DNAAF4: variants seen among roughly 807,000 people sequenced by gnomAD.
DNAAF4 encodes dynein assembly factor 4, axonemal.
In DNAAF4, 43 loss-of-function variants were observed where a neutral mutation model predicts 51.8. That is an observed-to-expected ratio of 0.83 (90% CI 0.65 to 1.07). DNAAF4 has a LOEUF of 1.07. Among genes scored for constraint, DNAAF4 ranks in the 50% least tolerant of loss-of-function variants. The probability of loss-of-function intolerance (pLI) is 0.00; values close to 1 mark genes in which losing one functional copy is unlikely to be tolerated. For missense variants in DNAAF4, 581 were observed against 493.0 expected, an observed-to-expected ratio of 1.18 and a Z score of -1.69; for synonymous variants, 194 against 165.6, an observed-to-expected ratio of 1.17 and a Z score of -1.32.
intron 8 of DNAAF4, among the ~76,000 whole-genome samples, chr15:55,433,653 A>G (rs1282705099): frequency 7.0e-6 from 1 of 143,682 alleles, no homozygotes; most frequent in East Asian, 2.0e-4. Flanking sequence ...AATGGCCTCA[A>G]GCACTCACCT....
At chr15:55,435,902 C>T (rs543419806) in intron 7 of DNAAF4, among the ~76,000 whole-genome samples, 56 of 152,172 alleles carry the variant, frequency 3.7e-4, no homozygotes, top group Admixed American at 6.6e-4. Flanking sequence ...GATTCTCCTG[C>T]GTCAGCCTCC....
chr15:55,439,675 AT>A lies in DNAAF4; in HGVS notation c.784-95del, dbSNP rs1394168973. ...TTCCATCTTCCTCCAGTGGATTGAA[AT>A]ATTATTTGCTATGCACTGAGTGTTT... On this transcript the variant is annotated intron_variant, in intron 6 of 9. Transcript: ENST00000321149. 8 of 1,114,462 alleles carry A rather than the reference AT, an allele frequency of 7.2e-6. No homozygotes were observed. The African/African-American group carries it at 1.3e-4, about 18-fold the overall frequency. 69.0% of individuals were successfully genotyped at this position (1,114,462 alleles called of 1,614,324 possible). A position where few individuals can be genotyped will look rare whatever the true frequency, so the allele number is the denominator to read the frequency against.
intron 5 of DNAAF4, among the ~76,000 whole-genome samples, chr15:55,460,075 T>C (rs1412251389): frequency 6.6e-6 from 1 of 152,024 alleles, no homozygotes; most frequent in African/African-American, 2.4e-5. Flanking sequence ...AAAAGGACAT[T>C]ATATAATGAT....
intron 4 of DNAAF4, among the ~76,000 whole-genome samples, chr15:55,476,023 T>A (rs2141540170): frequency 6.6e-6 from 1 of 152,290 alleles, no homozygotes; most frequent in South Asian, 2.1e-4. Flanking sequence ...ATGTTCAAAG[T>A]ACCGACAGAA....
At chr15:55,504,750 C>T (rs1595965175) in intron 1 of DNAAF4, among the ~76,000 whole-genome samples, 1 of 152,276 alleles carries the variant, frequency 6.6e-6, no homozygotes, top group East Asian at 1.9e-4. Flanking sequence ...CCCTTCCTTA[C>T]ACCTTATACA....
intron 4 of DNAAF4, among the ~76,000 whole-genome samples, chr15:55,473,210 T>G (rs1396787005): frequency 8.1e-6 from 1 of 122,874 alleles, no homozygotes. Context: ...TATATATATA[T>G]ATATATATAT....
intron 5 of DNAAF4, among the ~76,000 whole-genome samples, chr15:55,463,172 TCACACACACACACACACA>T (rs3221985): frequency 7.1e-6 from 1 of 140,288 alleles, no homozygotes; most frequent in Non-Finnish European, 1.5e-5. Flanking sequence ...AGACTCTGTC[TCACACACACACACACACA>T]CACACACACA....
At position 55,491,203 on chromosome 15, in the gene DNAAF4, C is replaced by A. The variant is rs397515622; in HGVS notation, c.325G>T (p.Glu109Ter). ...GCTTCTGTAGCTTCTTTTGCTCTCT[C>A]TTGTGCTTGTAAAATAGATTTTTCT... ...IREKSILQAQ[E>*]RAKEATEAKA... The change falls in exon 4 of 10, where the codon GAG becomes TAG. Residue 109 changes from glutamate (E) to a stop codon, truncating the protein, a stop_gained. Transcript: ENST00000321149. LOFTEE classifies it high-confidence loss of function. The A allele has an allele frequency of 3.7e-6, 6 of 1,613,980 alleles. No individual in the cohort carries two copies. Among genetic ancestry groups the A allele is most frequent in the Non-Finnish European group, 4.2e-6 (5 of 1,179,984 alleles).
intron 4 of DNAAF4, among the ~76,000 whole-genome samples, chr15:55,476,918 C>A (rs961205485): frequency 1.3e-5 from 2 of 152,258 alleles, no homozygotes; most frequent in East Asian, 3.9e-4. Context: ...CGCCTGTAAT[C>A]CCCGAACTTT....
downstream of DNAAF4, among the ~76,000 whole-genome samples, chr15:55,426,811 G>A (rs766559050): frequency 5.9e-5 from 9 of 152,294 alleles, no homozygotes; most frequent in Non-Finnish European, 2.9e-5. Flanking sequence ...GGCAGGATAG[G>A]GAAGTCCTCA....
rs1247181347 is a variant in DNAAF4, at chr15:55,498,355, G to A, written c.-26C>T. On this transcript the variant is annotated 5_prime_UTR_variant, in exon 2 of 10. Coordinates refer to ENST00000321149, the MANE Select transcript of DNAAF4 (RefSeq NM_130810.4). ...TCCGGTAGCAACGGGAGCGGATAGC[G>A]CGGCTGGTTGCTTCTTGCGCCTGCT... 4 of 1,590,392 alleles carry A rather than the reference G, an allele frequency of 2.5e-6. No individual in the cohort carries two copies. Among genetic ancestry groups the A allele is most frequent in the East Asian group, 4.6e-5 (2 of 43,814 alleles).
At chr15:55,460,179 A>ATTTTTTT (rs760588937) in intron 5 of DNAAF4, among the ~76,000 whole-genome samples, 1 of 123,792 alleles carries the variant, frequency 8.1e-6, no homozygotes, top group Non-Finnish European at 1.9e-5. Context: ...TTATTTACTT[A>ATTTTTTT]TTTATTTATT....
chr15:55,458,207 T>C (rs192850702), intron 5 of DNAAF4, among the ~76,000 whole-genome samples: 2 of 152,282 alleles, frequency 1.3e-5, no homozygotes, highest in African/African-American at 4.8e-5. Context: ...AATTGCCAGA[T>C]AAATAATTCA....
chr15:55,489,600 G>A (rs1403928001), intron 4 of DNAAF4, among the ~76,000 whole-genome samples: 1 of 149,870 alleles, frequency 6.7e-6, no homozygotes, highest in Admixed American at 6.7e-5. Flanking sequence ...TCTTGAACCC[G>A]AGTGGCAGAG....
chr15:55,500,281 G>A (rs2058688968), intron 1 of DNAAF4, among the ~76,000 whole-genome samples: 1 of 152,104 alleles, frequency 6.6e-6, no homozygotes, highest in Non-Finnish European at 1.5e-5. Flanking sequence ...CAAGCTTCTG[G>A]TAACTTTGAA....
intron 6 of DNAAF4, among the ~76,000 whole-genome samples, chr15:55,440,129 T>C (rs981208965): frequency 6.6e-6 from 1 of 151,984 alleles, no homozygotes; most frequent in Non-Finnish European, 1.5e-5. Flanking sequence ...CTCAGCTCAC[T>C]GTAACCTCCA....
At chr15:55,494,848 A>G (rs2058619585) in intron 3 of DNAAF4, among the ~76,000 whole-genome samples, 1 of 152,192 alleles carries the variant, frequency 6.6e-6, no homozygotes, top group Non-Finnish European at 1.5e-5. Flanking sequence ...TAAATGGATG[A>G]AAAAAATCAA....
chr15:55,494,327 C>A (rs1373001736), intron 3 of DNAAF4, among the ~76,000 whole-genome samples: 1 of 152,110 alleles, frequency 6.6e-6, no homozygotes, highest in African/African-American at 2.4e-5. Context: ...GCGCGCCCGG[C>A]AAACTGAGTT....
chr15:55,470,667 G>C (rs2058241257), intron 4 of DNAAF4, among the ~76,000 whole-genome samples: 1 of 151,274 alleles, frequency 6.6e-6, no homozygotes, highest in Non-Finnish European at 1.5e-5. Flanking sequence ...CAGCCTTCTA[G>C]GTAGCTGGGA....
Sources: allele counts gnomAD v4.1 joint callset (sites outside exome capture counted in the v4.1 genomes callset), GRCh38; gene constraint gnomAD v4.1.1; transcripts MANE v1.5; gene names NCBI Gene and HGNC (gene_info 2026-07-23, HGNC 2026-07-21).